Variants in ASAP1 observed in about 807,000 individuals in gnomAD.
ASAP1 encodes the protein arf-GAP with SH3 domain, ANK repeat and PH domain-containing protein 1.
A neutral mutation model predicts 145.2 loss-of-function variants in ASAP1; 43 were observed. The ratio of observed to expected loss-of-function variants is 0.30; its 90% confidence interval spans 0.23 to 0.38. ASAP1 has a LOEUF of 0.38. Ranked by LOEUF, ASAP1 falls within the 10% of genes least tolerant of loss-of-function variation. The pLI, the probability that ASAP1 is intolerant of heterozygous loss-of-function variation, is 1.00. For missense variants in ASAP1, 1,018 were observed against 1,355.3 expected, an observed-to-expected ratio of 0.75 and a Z score of 3.91; for synonymous variants, 546 against 515.5, an observed-to-expected ratio of 1.06 and a Z score of -0.80.
At chr8:130,182,491 T>A (rs1028683846) in intron 7 of ASAP1, among the ~76,000 whole-genome samples, 1 of 152,170 alleles carries the variant, frequency 6.6e-6, no homozygotes, top group African/African-American at 2.4e-5. Context: ...GAGACAAACC[T>A]CAGACACTGA....
At chr8:130,107,339 C>A (rs1464874205) in intron 24 of ASAP1, among the ~76,000 whole-genome samples, 1 of 151,574 alleles carries the variant, frequency 6.6e-6, no homozygotes, top group Non-Finnish European at 1.5e-5. Flanking sequence ...TCCTCCACCA[C>A]ACCCGGCTAA....
intron 1 of ASAP1, among the ~76,000 whole-genome samples, chr8:130,441,672 G>C (rs1830492567): frequency 6.6e-6 from 1 of 152,190 alleles, no homozygotes; most frequent in Non-Finnish European, 1.5e-5. Flanking sequence ...TTCATCTTTG[G>C]GCCTGCCAGG....
At chr8:130,244,457 G>T (rs760686014) in intron 3 of ASAP1, among the ~76,000 whole-genome samples, 1 of 152,136 alleles carries the variant, frequency 6.6e-6, no homozygotes, top group Non-Finnish European at 1.5e-5. Context: ...CCCTTCCAAA[G>T]CAGCTCTATC....
chr8:130,253,247 C>G (rs34904133), intron 3 of ASAP1, among the ~76,000 whole-genome samples: 5,187 of 152,268 alleles, frequency 0.034, 103 homozygotes, highest in Middle Eastern at 0.071. Flanking sequence ...AAACTTAACC[C>G]GGCTGTGCCT....
At chr8:130,261,090 A>G (rs1384208691) in intron 3 of ASAP1, among the ~76,000 whole-genome samples, 1 of 152,150 alleles carries the variant, frequency 6.6e-6, no homozygotes, top group Non-Finnish European at 1.5e-5. Flanking sequence ...ACTGTGAGGA[A>G]GCCATGCCAG....
rs141280260 is a variant in ASAP1, at chr8:130,129,384, A to G, written c.1218-1294T>C. Reference sequence around the variant, plus strand: ...TGGTTGTCTCTGAGTGATTTTCTATAGAAAACAACTGATAGAGGAATTGCC... The same window carrying G: ...TGGTTGTCTCTGAGTGATTTTCTATGGAAAACAACTGATAGAGGAATTGCC... On this transcript the variant is annotated intron_variant, in intron 15 of 29. Transcript: ENST00000518721. Among the ~76,000 whole-genome samples the G allele has an allele frequency of 7.0e-3, 1,060 of 152,350 alleles. 3 individuals carry two copies. The highest frequency in any genetic ancestry group is 0.029 in the South Asian group (139 of 4,830).
At chr8:130,248,999 AG>A (rs1377998546) in intron 3 of ASAP1, among the ~76,000 whole-genome samples, 1 of 152,172 alleles carries the variant, frequency 6.6e-6, no homozygotes, top group Non-Finnish European at 1.5e-5. Context: ...CTTGGGCTCA[AG>A]GGATCCTCCT....
chr8:130,356,400 GGGAT>G (rs1826308520), intron 3 of ASAP1, among the ~76,000 whole-genome samples: 1 of 152,002 alleles, frequency 6.6e-6, no homozygotes, highest in African/African-American at 2.4e-5. Flanking sequence ...GTACAGAAAG[GGGAT>G]GCAAAATGCT....
intron 3 of ASAP1, among the ~76,000 whole-genome samples, chr8:130,299,136 G>T (rs1822467395): frequency 6.6e-6 from 1 of 152,156 alleles, no homozygotes; most frequent in Non-Finnish European, 1.5e-5. Context: ...GTGTGTCCGT[G>T]CCTCTGCAGG....
chr8:130,369,075 T>C (rs1827094186), intron 2 of ASAP1, among the ~76,000 whole-genome samples: 1 of 152,234 alleles, frequency 6.6e-6, no homozygotes, highest in South Asian at 2.1e-4. Flanking sequence ...CGTCAAAGGA[T>C]TGTTATACAG....
rs1438518123 is a variant in ASAP1 at position 130,358,759 on chromosome 8, C to T, written c.60-616G>A. Among the ~76,000 whole-genome samples, 2 of 145,504 alleles carry T rather than the reference C, an allele frequency of 1.4e-5. No individual in the cohort carries two copies. The highest frequency in any genetic ancestry group is 5.0e-5 in the African/African-American group (2 of 40,350). Reference sequence around the variant, plus strand: ...CGGCCCGGCCCCCGCCCCGCCCCGCCCCCGCTCGCGCACAGCCCCTGGGGC... The same window carrying T: ...CGGCCCGGCCCCCGCCCCGCCCCGCTCCCGCTCGCGCACAGCCCCTGGGGC... On this transcript the variant is annotated intron_variant, in intron 2 of 29. Transcript: ENST00000518721. The surrounding 1 kb of genome is among the most constrained non-coding windows in gnomAD (Gnocchi z 4.1).
intron 3 of ASAP1, among the ~76,000 whole-genome samples, chr8:130,276,758 T>TCTCTCC (rs1565162788): frequency 6.8e-6 from 1 of 147,078 alleles, no homozygotes; most frequent in Non-Finnish European, 1.5e-5. Context: ...TCTCTCTCTC[T>TCTCTCC]CTCCTCTAAC....
chr8:130,341,374 T>A (rs73417927), intron 3 of ASAP1, among the ~76,000 whole-genome samples: 1 of 152,282 alleles, frequency 6.6e-6, no homozygotes, highest in African/African-American at 2.4e-5. Context: ...TTGTGGGATC[T>A]TGGGTAAGAA....
rs141241501 is a variant in ASAP1 at position 130,208,339 on chromosome 8, G to C, written c.405+6217C>G. On this transcript the variant is annotated intron_variant, in intron 5 of 29. Coordinates refer to ENST00000518721, the MANE Select transcript of ASAP1 (RefSeq NM_018482.4). ...TCTATGGCATTCTGTCACATGTATA[G>C]ATAACTACAACAATCACCACCACCA... is the stretch of plus-strand genomic sequence containing the variant. Among the ~76,000 whole-genome samples, 307 of 152,198 alleles carry C rather than the reference G, an allele frequency of 2.0e-3. 1 individual carries two copies. Among genetic ancestry groups the C allele is most frequent in the African/African-American group, 7.1e-3 (296 of 41,534 alleles).
intron 24 of ASAP1, among the ~76,000 whole-genome samples, chr8:130,107,910 T>C (rs1450776869): frequency 1.3e-5 from 2 of 152,210 alleles, no homozygotes; most frequent in Admixed American, 6.5e-5. Context: ...AAGGTGATGC[T>C]GGAAAGGCTT....
At chr8:130,140,686 G>C (rs1228374835) in intron 13 of ASAP1, among the ~76,000 whole-genome samples, 1 of 152,116 alleles carries the variant, frequency 6.6e-6, no homozygotes, top group Non-Finnish European at 1.5e-5. Flanking sequence ...ACTGACTTTT[G>C]CTACATTAAC....
At chr8:130,329,510 T>A (rs1332146604) in intron 3 of ASAP1, among the ~76,000 whole-genome samples, 3 of 152,010 alleles carry the variant, frequency 2.0e-5, no homozygotes, top group Non-Finnish European at 1.5e-5. Flanking sequence ...AAATCTATAG[T>A]CCTACAGACG....
chr8:130,076,254 TG>T lies in ASAP1; in HGVS notation c.2701+93del, dbSNP rs1339427904. The T allele has an allele frequency of 3.7e-6, 3 of 806,880 alleles. No homozygotes were observed. In the African/African-American group the frequency reaches 5.2e-5, roughly 14 times the overall value. 50.0% of individuals were successfully genotyped at this position (806,880 alleles called of 1,614,324 possible). On this transcript the variant is annotated intron_variant, in intron 27 of 29. Transcript: ENST00000518721. ...CAGGTGCTGCTCTAGGCATTTGGGA[TG>T]GATCAATGAACAAGGGAGATAAAAA...
chr8:130,223,665 A>C (rs1366016512), intron 4 of ASAP1, among the ~76,000 whole-genome samples: 1 of 152,038 alleles, frequency 6.6e-6, no homozygotes, highest in Non-Finnish European at 1.5e-5. Context: ...TAGATGAGAA[A>C]GACTATGAAG....
Sources: gnomAD v4.1 joint callset for allele counts (sites outside exome capture counted in the v4.1 genomes callset) on GRCh38, gnomAD v4.1.1 for gene constraint, Gnocchi (gnomAD v3.1) non-coding constraint, MANE v1.5 for transcripts, NCBI Gene and HGNC (gene_info 2026-07-23, HGNC 2026-07-21) for gene names.